Variants in ASIC2 observed in about 807,000 individuals in gnomAD.
ASIC2 encodes acid-sensing ion channel 2.
In ASIC2, 25 loss-of-function variants were observed where a neutral mutation model predicts 57.3. The ratio of observed to expected loss-of-function variants is 0.44; its 90% CI spans 0.32 to 0.61. The LOEUF (loss-of-function observed/expected upper bound fraction) is 0.61, where lower values mean the gene tolerates loss of function less well. ASIC2 is among the 20% of genes least tolerant of loss of function. ASIC2 has a pLI of 0.06. For synonymous variants in ASIC2, 319 were observed against 307.5 expected (o/e 1.04, Z -0.39); for missense variants, 641 against 738.1 (o/e 0.87, Z 1.52).
intron 1 of ASIC2, among the ~76,000 whole-genome samples, chr17:33,951,332 A>T (rs1904555557): frequency 1.3e-5 from 2 of 152,178 alleles, no homozygotes; most frequent in South Asian, 4.1e-4. Flanking sequence ...CTTGCTTAAG[A>T]TCATAAAGCA....
chr17:33,214,963 C>A (rs1351283054), intron 1 of ASIC2, among the ~76,000 whole-genome samples: 1 of 152,098 alleles, frequency 6.6e-6, no homozygotes, highest in Non-Finnish European at 1.5e-5. Flanking sequence ...CAAAAGGAGG[C>A]AAGGGTTGAA....
chr17:34,134,007 G>A lies in ASIC2; in HGVS notation c.555+21971C>T, dbSNP rs376263301. Among the ~76,000 whole-genome samples, 4 of 152,298 alleles carry A rather than the reference G, an allele frequency of 2.6e-5. No individual in the cohort carries two copies. In the East Asian group the frequency reaches 5.8e-4, roughly 22 times the overall value. ...ACTAGTTCCAAGACTGAAAAACCCT[G>A]AGAGAAGGAAACTAATTCTGAGAGA... On this transcript the variant is annotated intron_variant, in intron 1 of 9. Transcript: ENST00000359872.
chr17:33,895,431 C>G (rs552251941), intron 1 of ASIC2, among the ~76,000 whole-genome samples: 1 of 152,220 alleles, frequency 6.6e-6, no homozygotes, highest in East Asian at 1.9e-4. Flanking sequence ...CCAAGGCCAC[C>G]ACACCCGGCC....
chr17:34,073,875 G>A (rs1340381624), intron 1 of ASIC2, among the ~76,000 whole-genome samples: 1 of 152,152 alleles, frequency 6.6e-6, no homozygotes, highest in Non-Finnish European at 1.5e-5. Context: ...GAGAGCAGCT[G>A]GCCACCCAGG....
At chr17:34,063,102 TA>T (rs1567805702) in intron 1 of ASIC2, among the ~76,000 whole-genome samples, 1 of 152,138 alleles carries the variant, frequency 6.6e-6, no homozygotes, top group African/African-American at 2.4e-5. Flanking sequence ...TTGATGAACA[TA>T]GATGCTGAAA....
chr17:33,580,013 C>T (rs1439826251), intron 1 of ASIC2: 1 of 152,148 alleles, frequency 6.6e-6, no homozygotes, highest in Non-Finnish European at 1.5e-5. Flanking sequence ...ACACAGAGTG[C>T]TGATTGGTGC....
chr17:34,018,148 T>C (rs544312216), intron 1 of ASIC2, among the ~76,000 whole-genome samples: 1 of 152,316 alleles, frequency 6.6e-6, no homozygotes, highest in Admixed American at 6.5e-5. Context: ...AGACTTTAAG[T>C]TGAAGCCAAT....
rs76199031 is a variant in ASIC2 at position 33,949,349 on chromosome 17, G to C, written c.555+206629C>G. Reference sequence around the variant, plus strand: ...GCCCCCTAGCTGTTCGCTGGCCATAGACTAGCAGCTTATCCAGGCCAGACC... The same window carrying C: ...GCCCCCTAGCTGTTCGCTGGCCATACACTAGCAGCTTATCCAGGCCAGACC... On this transcript the variant is annotated intron_variant, in intron 1 of 9. Coordinates refer to the ASIC2 transcript ENST00000359872. 3.8e-3 allele frequency among the ~76,000 whole-genome samples: 582 copies of C among 152,290 alleles called. 4 individuals are homozygous for C. Among genetic ancestry groups the C allele is most frequent in the African/African-American group, 0.013 (558 of 41,550 alleles).
At chr17:33,921,859 G>A (rs990426532) in intron 1 of ASIC2, among the ~76,000 whole-genome samples, 1 of 152,120 alleles carries the variant, frequency 6.6e-6, no homozygotes, top group African/African-American at 2.4e-5. Flanking sequence ...GGAGAAGGAG[G>A]AGTGAATATT....
chr17:33,029,508 C>T (rs908278347), intron 3 of ASIC2, among the ~76,000 whole-genome samples: 1 of 152,224 alleles, frequency 6.6e-6, no homozygotes, highest in Non-Finnish European at 1.5e-5. Flanking sequence ...TATGACTACA[C>T]TAAAATTTGC....
chr17:33,576,841 T>C (rs956149520), intron 1 of ASIC2, among the ~76,000 whole-genome samples: 2 of 152,194 alleles, frequency 1.3e-5, no homozygotes, highest in African/African-American at 4.8e-5. Context: ...ACCATTGTGA[T>C]CCTGGGGAAA....
chr17:33,555,749 C>A (rs1489033106), intron 1 of ASIC2, among the ~76,000 whole-genome samples: 2 of 152,128 alleles, frequency 1.3e-5, no homozygotes, highest in Non-Finnish European at 2.9e-5. Context: ...AGGATGTCAG[C>A]AGTCAGGAAT....
chr17:34,023,623 C>T (rs1426106103), intron 1 of ASIC2, among the ~76,000 whole-genome samples: 2 of 152,194 alleles, frequency 1.3e-5, no homozygotes, highest in Non-Finnish European at 1.5e-5. Context: ...GCCTCACTTG[C>T]CCTTCCACCT....
chr17:33,210,549 A>T (rs1907229856), intron 1 of ASIC2, among the ~76,000 whole-genome samples: 1 of 152,190 alleles, frequency 6.6e-6, no homozygotes, highest in African/African-American at 2.4e-5. Context: ...TATGGGTGAG[A>T]CTGGAGGCCA....
chr17:33,381,099 C>T (rs1272500829), intron 1 of ASIC2, among the ~76,000 whole-genome samples: 1 of 152,174 alleles, frequency 6.6e-6, no homozygotes, highest in East Asian at 1.9e-4. Context: ...GAGCTTGTAG[C>T]ACTTGGCCGG....
intron 1 of ASIC2, among the ~76,000 whole-genome samples, chr17:33,359,388 A>C (rs1908511695): frequency 6.6e-6 from 1 of 152,236 alleles, no homozygotes; most frequent in Non-Finnish European, 1.5e-5. Flanking sequence ...ATTCCTGAAG[A>C]AGGATTCGAT....
chr17:33,614,788 T>C (rs1339072757), intron 1 of ASIC2, among the ~76,000 whole-genome samples: 1 of 152,192 alleles, frequency 6.6e-6, no homozygotes, highest in East Asian at 1.9e-4. Flanking sequence ...TAGATATTCT[T>C]CCAGAGGGAG....
chr17:33,471,447 G>T (rs1913048133), intron 1 of ASIC2, among the ~76,000 whole-genome samples: 1 of 152,176 alleles, frequency 6.6e-6, no homozygotes, highest in African/African-American at 2.4e-5. Context: ...GTTAGAAATA[G>T]TAAGAGGTGA....
At chr17:33,254,531 C>A (rs1189945100) in intron 1 of ASIC2, among the ~76,000 whole-genome samples, 1 of 151,982 alleles carries the variant, frequency 6.6e-6, no homozygotes, top group Non-Finnish European at 1.5e-5. Context: ...CTTCCTCTTA[C>A]CCCCAGGTTT....
Sources: gnomAD v4.1 joint callset for allele counts (sites outside exome capture counted in the v4.1 genomes callset) on GRCh38, gnomAD v4.1.1 for gene constraint, MANE v1.5 for transcripts, NCBI Gene and HGNC (gene_info 2026-07-23, HGNC 2026-07-21) for gene names.